Variants in CSMD1 observed in about 807,000 individuals in gnomAD.
CSMD1 encodes CUB and Sushi multiple domains 1.
Under a neutral mutation model 417.5 loss-of-function variants are expected in CSMD1, and 213 were observed. That is an observed-to-expected ratio of 0.51 (90% CI 0.46 to 0.57). The LOEUF (loss-of-function observed/expected upper bound fraction) is 0.57, where lower values mean the gene tolerates loss of function less well. Among genes scored for constraint, CSMD1 ranks in the 20% least tolerant of loss-of-function variants. The pLI is 0.00. For synonymous variants in CSMD1, 2,862 were observed against 1,736.8 expected (o/e 1.65, Z -16.11); for missense variants, 6,923 against 4,529.7 (o/e 1.53, Z -15.17).
At chr8:4,855,728 G>C (rs570755573) in intron 1 of CSMD1, among the ~76,000 whole-genome samples, 2 of 152,042 alleles carry the variant, frequency 1.3e-5, no homozygotes, top group African/African-American at 2.4e-5. Flanking sequence ...AGAATAAAAA[G>C]AAATGAGCAA....
Position 3,728,877 on chromosome 8 carries a change from T to C in CSMD1, c.932-20386A>G, listed in dbSNP as rs564925980. 2.6e-5 allele frequency among the ~76,000 whole-genome samples: 4 copies of C among 152,346 alleles called. No homozygotes were observed. The East Asian group carries it at 7.7e-4, about 29-fold the overall frequency. On this transcript the variant is annotated intron_variant, in intron 6 of 69. Transcript: ENST00000635120. ...GCAGATTCATGGACTAAGGCAGGGA[T>C]ACTGGCATCCACGTGGTTTTCAATC...
At chr8:3,591,138 T>C (rs1282570433) in intron 8 of CSMD1, among the ~76,000 whole-genome samples, 2 of 152,166 alleles carry the variant, frequency 1.3e-5, no homozygotes, top group Non-Finnish European at 2.9e-5. Flanking sequence ...CTGTAAGAAA[T>C]ACTGGAGAAC....
intron 1 of CSMD1, among the ~76,000 whole-genome samples, chr8:4,967,020 G>A (rs1156556050): frequency 4.6e-5 from 7 of 152,248 alleles, no homozygotes; most frequent in East Asian, 1.9e-4. Flanking sequence ...TGCATGGCAG[G>A]AAATTGACCA....
At position 4,077,292 on chromosome 8, in the gene CSMD1, T is replaced by C. The variant is rs988652339; in HGVS notation, c.416-45193A>G. On this transcript the variant is annotated intron_variant, in intron 3 of 69. Coordinates refer to ENST00000635120, the MANE Select transcript of CSMD1 (RefSeq NM_033225.6). The stretch of plus-strand genomic sequence containing the variant: ...CCCATTTGTCACCTATATATATATA[T>C]ATGTGTATATATATATATATATATA... 5.4e-5 allele frequency among the ~76,000 whole-genome samples: 5 copies of C among 93,304 alleles called. No homozygotes were observed. The South Asian group carries it at 1.4e-3, about 26-fold the overall frequency. 61.2% of individuals were successfully genotyped at this position (93,304 alleles called of 152,430 possible).
chr8:3,804,201 G>C (rs1800607055), intron 5 of CSMD1, among the ~76,000 whole-genome samples: 1 of 151,944 alleles, frequency 6.6e-6, no homozygotes, highest in South Asian at 2.1e-4. Context: ...AGAAGTGTTG[G>C]GATTACAAGT....
chr8:4,446,733 C>CTGTGTGTGTGTGTGTGTGTGTCTG (rs1314462524), intron 2 of CSMD1, among the ~76,000 whole-genome samples: 11 of 134,030 alleles, frequency 8.2e-5, no homozygotes, highest in African/African-American at 2.3e-4. Context: ...GTGTGTGTGT[C>CTGTGTGTGTGTGTGTGTGTGTCTG]TGTGTGTGTG....
chr8:4,241,698 T>C (rs1802414036), intron 3 of CSMD1, among the ~76,000 whole-genome samples: 2 of 124,426 alleles, frequency 1.6e-5, no homozygotes, highest in South Asian at 2.6e-4. Context: ...TTTGGAGTGA[T>C]TTTTTTTTTC....
At chr8:3,337,184 C>T (rs7822765) in intron 23 of CSMD1, among the ~76,000 whole-genome samples, 10 of 152,062 alleles carry the variant, frequency 6.6e-5, no homozygotes, top group Admixed American at 2.0e-4. Flanking sequence ...CGCAACGACT[C>T]GCCCTATCCC....
intron 17 of CSMD1, among the ~76,000 whole-genome samples, chr8:3,395,941 C>T (rs1215642404): frequency 6.6e-6 from 1 of 152,010 alleles, no homozygotes. Flanking sequence ...AAGATGAACC[C>T]ATTTCATTGT....
chr8:3,518,994 G>T (rs569663743), intron 10 of CSMD1, among the ~76,000 whole-genome samples: 6 of 152,098 alleles, frequency 3.9e-5, no homozygotes, highest in Non-Finnish European at 1.5e-5. Flanking sequence ...AAATATAAAT[G>T]ATCTGTTTTT....
At chr8:4,465,590 T>G (rs1455833722) in intron 2 of CSMD1, among the ~76,000 whole-genome samples, 1 of 152,168 alleles carries the variant, frequency 6.6e-6, no homozygotes, top group African/African-American at 2.4e-5. Context: ...GCAGGCCACT[T>G]AGAAGTCAGA....
chr8:4,456,714 A>T (rs1390671203), intron 2 of CSMD1, among the ~76,000 whole-genome samples: 1 of 151,932 alleles, frequency 6.6e-6, no homozygotes, highest in Non-Finnish European at 1.5e-5. Context: ...AGGCATGTGG[A>T]CCCCCTGCTG....
rs988689646 is a variant in CSMD1 at position 3,919,956 on chromosome 8, C to T, written c.818+77947G>A. ...ATTTGACTCAGAAACACAACTGAGT[C>T]TTGTATTTTTAGTGTGTAATCTGTG... On this transcript the variant is annotated intron_variant, in intron 5 of 69. Transcript: ENST00000635120. Among the ~76,000 whole-genome samples, 17 of 151,686 alleles carry T rather than the reference C, an allele frequency of 1.1e-4. No homozygotes were observed. In the South Asian group the frequency reaches 1.7e-3, roughly 15 times the overall value.
chr8:4,803,024 T>G (rs1251204652), intron 1 of CSMD1, among the ~76,000 whole-genome samples: 6 of 152,168 alleles, frequency 3.9e-5, no homozygotes, highest in Non-Finnish European at 5.9e-5. Flanking sequence ...TATCATTTGG[T>G]TTTCTCCGGT....
intron 1 of CSMD1, among the ~76,000 whole-genome samples, chr8:4,713,462 C>T (rs770892982): frequency 2.6e-4 from 39 of 152,038 alleles, no homozygotes; most frequent in Non-Finnish European, 4.0e-4. Context: ...AGTGCAGTGG[C>T]GCGATACCGG....
chr8:3,700,909 C>G (rs1002489359), intron 7 of CSMD1, among the ~76,000 whole-genome samples: 1 of 151,954 alleles, frequency 6.6e-6, no homozygotes, highest in East Asian at 1.9e-4. Flanking sequence ...GATATTTCAC[C>G]CAGATCCTTC....
chr8:4,837,789 G>A (rs568419841), intron 1 of CSMD1, among the ~76,000 whole-genome samples: 8 of 152,018 alleles, frequency 5.3e-5, no homozygotes, highest in South Asian at 4.2e-4. Flanking sequence ...GATAAATGCC[G>A]GCTGGGATGG....
At chr8:4,094,431 A>C (rs553500010) in intron 3 of CSMD1, among the ~76,000 whole-genome samples, 1 of 152,002 alleles carries the variant, frequency 6.6e-6, no homozygotes, top group Non-Finnish European at 1.5e-5. Flanking sequence ...AGGTGTGTGG[A>C]TTTGCTGTGG....
intron 10 of CSMD1, among the ~76,000 whole-genome samples, chr8:3,514,925 C>G (rs1403603737): frequency 6.6e-6 from 1 of 151,988 alleles, no homozygotes; most frequent in African/African-American, 2.4e-5. Context: ...AAAGGCTGCC[C>G]AAGCAAATGT....
Sources: allele counts gnomAD v4.1 joint callset (sites outside exome capture counted in the v4.1 genomes callset), GRCh38; gene constraint gnomAD v4.1.1; transcripts MANE v1.5; gene names NCBI Gene and HGNC (gene_info 2026-07-23, HGNC 2026-07-21).